The following PANK2 variants were observed in gnomAD, a reference collection of about 807,000 sequenced individuals.
The protein encoded by PANK2 is pantothenate kinase 2.
A neutral mutation model predicts 43.1 loss-of-function variants in PANK2; 36 were observed. The ratio of observed to expected loss-of-function variants is 0.84; its 90% CI spans 0.64 to 1.10. PANK2 has a LOEUF of 1.10. PANK2 is among the 50% of genes least tolerant of loss of function. The probability of loss-of-function intolerance (pLI) is 0.00; values close to 1 mark genes in which losing one functional copy is unlikely to be tolerated. For synonymous variants in PANK2, 281 were observed against 238.2 expected (o/e 1.18, Z -1.66); for missense variants, 576 against 593.3 (o/e 0.97, Z 0.30).
At position 3,889,741 on chromosome 20, in the gene PANK2, T is replaced by A; in HGVS notation, c.298+13T>A. On this transcript the variant is annotated intron_variant, in intron 1 of 6. Transcript: ENST00000610179. The stretch of plus-strand genomic sequence containing the variant: ...AAAAAGCGGCCGCGTAAGTGTTCCG[T>A]GGGGCGCCCTCCCGGCCCGCCCTGC... The A allele has an allele frequency of 6.3e-7, 1 of 1,594,304 alleles. No individual in the cohort carries two copies. The highest frequency in any genetic ancestry group is 8.5e-7 in the Non-Finnish European group (1 of 1,178,652).
intron 1 of PANK2, among the ~76,000 whole-genome samples, chr20:3,898,653 G>A (rs1160604783): frequency 6.6e-6 from 1 of 151,996 alleles, no homozygotes; most frequent in Non-Finnish European, 1.5e-5. Context: ...TAATCCCAGA[G>A]TTAATAGTTT....
intron 1 of PANK2, chr20:3,889,998 T>A: frequency 7.6e-7 from 1 of 1,324,326 alleles, no homozygotes. Flanking sequence ...TTTTCTTAGC[T>A]CCTTGGGCAT....
At chr20:3,923,183 G>A in intron 6 of PANK2, 61 bp from the exon 7 acceptor site, 1 of 1,574,258 alleles carries the variant, frequency 6.4e-7, no homozygotes, top group South Asian at 1.1e-5. Flanking sequence ...GTCATCATGT[G>A]TAAGGTGATT....
chr20:3,901,855 T>G (rs1201827299), intron 1 of PANK2, among the ~76,000 whole-genome samples: 1 of 152,054 alleles, frequency 6.6e-6, no homozygotes, highest in African/African-American at 2.4e-5. Context: ...GATATAAGTT[T>G]CAAAATCATT....
rs1177095425 is a variant in PANK2, at chr20:3,916,999, C to T, written c.1155C>T (p.Ile385=). 6.2e-7 allele frequency: 1 copy of T among 1,614,010 alleles called. No individual in the cohort carries two copies. The highest frequency in any genetic ancestry group is 2.2e-5 in the East Asian group (1 of 44,872). ...AGGACCTGGCCAGAGCGACTTTGATCACCATCACCAACAACATTGGCTCAA... is the reference window on the plus strand; with the variant it reads ...AGGACCTGGCCAGAGCGACTTTGATTACCATCACCAACAACATTGGCTCAA... The change falls in exon 5 of 7, where the codon ATC becomes ATT. Residue 385 remains isoleucine (I), a synonymous_variant. Transcript: ENST00000610179.
intron 1 of PANK2, among the ~76,000 whole-genome samples, chr20:3,892,237 A>G (rs1326587632): frequency 2.6e-5 from 4 of 151,904 alleles, no homozygotes; most frequent in African/African-American, 4.8e-5. Context: ...CCAGCTACTC[A>G]GGAGGCTGAG....
intron 1 of PANK2, among the ~76,000 whole-genome samples, chr20:3,907,159 A>G (rs1436585045): frequency 7.7e-6 from 1 of 129,390 alleles, no homozygotes; most frequent in African/African-American, 2.9e-5. Context: ...GCTGGAGTGC[A>G]GTGGTGTGAT....
intron 2 of PANK2, among the ~76,000 whole-genome samples, chr20:3,909,925 C>T (rs2090442003): frequency 6.6e-6 from 1 of 152,006 alleles, no homozygotes; most frequent in Non-Finnish European, 1.5e-5. Flanking sequence ...ATACAGTGCT[C>T]CATAATACGA....
intron 1 of PANK2, among the ~76,000 whole-genome samples, chr20:3,902,972 GACACACACACACACACACACACACAC>G (rs11468265): frequency 1.4e-5 from 2 of 141,336 alleles, no homozygotes; most frequent in African/African-American, 5.4e-5. Flanking sequence ...GATGTGTATA[GACACACACACACACACACACACACAC>G]ACACACACAC....
At chr20:3,911,583 CA>C (rs11414834) in intron 3 of PANK2, among the ~76,000 whole-genome samples, 3 of 145,812 alleles carry the variant, frequency 2.1e-5, no homozygotes, top group African/African-American at 5.1e-5. Flanking sequence ...GACTCCGTCT[CA>C]AAAAAAAAAG....
At chr20:3,897,295 G>A (rs866927847) in intron 1 of PANK2, among the ~76,000 whole-genome samples, 21 of 152,314 alleles carry the variant, frequency 1.4e-4, no homozygotes, top group Middle Eastern at 6.8e-3. Flanking sequence ...TCTAGACTGA[G>A]TACCTTGGAG....
At chr20:3,919,890 CTTTAAG>C (rs1469661179) in intron 6 of PANK2, among the ~76,000 whole-genome samples, 1 of 152,142 alleles carries the variant, frequency 6.6e-6, no homozygotes, top group Non-Finnish European at 1.5e-5. Context: ...TTTAAAGTTA[CTTTAAG>C]TTTTTCTTTT....
chr20:3,894,963 A>G (rs2090181449), intron 1 of PANK2, among the ~76,000 whole-genome samples: 1 of 152,178 alleles, frequency 6.6e-6, no homozygotes, highest in African/African-American at 2.4e-5. Flanking sequence ...AGACCATAGC[A>G]GGAAGAGATG....
intron 6 of PANK2, chr20:3,921,473 G>A (rs1045622199): frequency 1.3e-5 from 2 of 150,954 alleles, no homozygotes; most frequent in Non-Finnish European, 2.9e-5. Context: ...GTCTTCAGTG[G>A]ACCCCCCCCA....
chr20:3,891,049 GT>G (rs201286136), intron 1 of PANK2, among the ~76,000 whole-genome samples: 1 of 152,008 alleles, frequency 6.6e-6, no homozygotes, highest in Non-Finnish European at 1.5e-5. Flanking sequence ...TTTTTGGTTT[GT>G]TTTTTGTTTT....
chr20:3,920,713 C>T lies in PANK2; in HGVS notation c.1332+1917C>T, dbSNP rs2090632855. ...TACAAAAATTAGCTGGACGTGGTGG[C>T]ACATACCTGTAATCCCAGCTACTTG... On this transcript the variant is annotated intron_variant, in intron 6 of 6. Transcript: ENST00000610179. Among the ~76,000 whole-genome samples the T allele has an allele frequency of 2.6e-5, 4 of 151,762 alleles. No individual in the cohort carries two copies. In the South Asian group the frequency reaches 6.2e-4, roughly 24 times the overall value.
Position 3,908,154 on chromosome 20 carries a change from G to A in PANK2, c.527G>A (p.Arg176His), listed in dbSNP as rs768488292. The change falls in exon 2 of 7, where the codon CGC becomes CAC. Residue 176 changes from arginine (R) to histidine (H), a missense_variant. Coordinates refer to ENST00000610179, the MANE Select transcript of PANK2 (RefSeq NM_001386393.1). ...CGCAAAGGCAATCTGCACTTTATACGCTTTCCCACTCATGACATGCCTGCT... is the reference window on the plus strand; with the variant it reads ...CGCAAAGGCAATCTGCACTTTATACACTTTCCCACTCATGACATGCCTGCT... 2.0e-5 allele frequency: 32 copies of A among 1,614,014 alleles called. No homozygotes were observed. The highest frequency in any genetic ancestry group is 2.5e-5 in the Non-Finnish European group (29 of 1,180,022).
At chr20:3,888,892 G>C (rs1021257305), upstream of PANK2, 6 of 527,138 alleles carry the variant, frequency 1.1e-5, no homozygotes, top group Non-Finnish European at 2.0e-5. Context: ...TAGGCCGAGG[G>C]ACAAAGGCTA....
rs1394908566 is a variant in PANK2 at position 3,925,777 on chromosome 20, C to T, written c.*2483C>T. 1 of 152,452 alleles carries T rather than the reference C, an allele frequency of 6.6e-6. No individual in the cohort carries two copies. Among genetic ancestry groups the T allele is most frequent in the Non-Finnish European group, 1.5e-5 (1 of 68,272 alleles). 9.4% of individuals were successfully genotyped at this position (152,452 alleles called of 1,614,324 possible). A position where few individuals can be genotyped will look rare whatever the true frequency, so the allele number is the denominator to read the frequency against. Reference sequence around the variant, plus strand: ...GATTTCCAGGGAACACTTCAACCACCCCTTACCTCTGAGCTCCAGCCCCGA... The same window carrying T: ...GATTTCCAGGGAACACTTCAACCACTCCTTACCTCTGAGCTCCAGCCCCGA... On this transcript the variant is annotated 3_prime_UTR_variant, in exon 7 of 7. Transcript: ENST00000610179.
Sources: gnomAD v4.1 joint callset for allele counts (sites outside exome capture counted in the v4.1 genomes callset) on GRCh38, gnomAD v4.1.1 for gene constraint, MANE v1.5 for transcripts, NCBI Gene and HGNC (gene_info 2026-07-23, HGNC 2026-07-21) for gene names.